The following SEMA6D variants were observed in gnomAD, a reference collection of about 807,000 sequenced individuals.
SEMA6D encodes the protein semaphorin-6D.
SEMA6D carries 35 observed loss-of-function variants against 106.6 expected under a neutral mutation model. That is an observed-to-expected ratio of 0.33 (90% CI 0.25 to 0.44). The LOEUF is 0.44. SEMA6D is among the 20% of genes least tolerant of loss of function. The probability of loss-of-function intolerance (pLI) is 1.00; values close to 1 mark genes in which losing one functional copy is unlikely to be tolerated. For synonymous variants in SEMA6D, 499 were observed against 487.7 expected (o/e 1.02, Z -0.31); for missense variants, 1,185 against 1,345.9 (o/e 0.88, Z 1.87).
intron 1 of SEMA6D, among the ~76,000 whole-genome samples, chr15:47,250,560 T>G (rs2033461823): frequency 6.6e-6 from 1 of 152,202 alleles, no homozygotes; most frequent in Admixed American, 6.5e-5. Flanking sequence ...AAACTTTCTT[T>G]ACGTAATTTT....
chr15:47,235,276 C>T (rs1264955909), intron 1 of SEMA6D, among the ~76,000 whole-genome samples: 1 of 151,746 alleles, frequency 6.6e-6, no homozygotes, highest in Non-Finnish European at 1.5e-5. Context: ...ATATTTTCTT[C>T]CATTTTGTGA....
At chr15:47,200,622 A>G (rs1054171446) in intron 1 of SEMA6D, among the ~76,000 whole-genome samples, 4 of 152,308 alleles carry the variant, frequency 2.6e-5, no homozygotes, top group Middle Eastern at 3.4e-3. Context: ...CTTTAAATTT[A>G]TGTAGTAAAG....
At chr15:47,448,480 G>T (rs1284653281) in intron 2 of SEMA6D, among the ~76,000 whole-genome samples, 1 of 152,048 alleles carries the variant, frequency 6.6e-6, no homozygotes, top group African/African-American at 2.4e-5. Flanking sequence ...GACCTTGGAG[G>T]AATAATGCCT....
intron 3 of SEMA6D, among the ~76,000 whole-genome samples, chr15:47,499,565 G>A (rs902051359): frequency 6.6e-5 from 10 of 152,170 alleles, no homozygotes; most frequent in African/African-American, 1.7e-4. Flanking sequence ...TGATGACTAG[G>A]TCATGCTTTC....
At position 47,186,156 on chromosome 15, in the gene SEMA6D, C is replaced by T. The variant is rs773037643; in HGVS notation, c.-239+1738C>T. 5.9e-4 allele frequency among the ~76,000 whole-genome samples: 89 copies of T among 151,808 alleles called. 1 individual carries two copies. Among genetic ancestry groups the T allele is most frequent in the Admixed American group, 2.6e-4 (4 of 15,238 alleles). On this transcript the variant is annotated intron_variant, in intron 1 of 19. Transcript: ENST00000558014. ...TAAATCCCAGTAGTTACTAATGCAC[C>T]CAACTGACCTGGTTATATTTCACTT...
chr15:47,584,176 A>G (rs1221313294), intron 3 of SEMA6D, among the ~76,000 whole-genome samples: 2 of 152,160 alleles, frequency 1.3e-5, no homozygotes, highest in African/African-American at 4.8e-5. Flanking sequence ...TAACCCCAGC[A>G]CTTTGGGAGT....
At chr15:47,685,542 A>C (rs1026749400) in intron 4 of SEMA6D, among the ~76,000 whole-genome samples, 1 of 152,158 alleles carries the variant, frequency 6.6e-6, no homozygotes, top group Non-Finnish European at 1.5e-5. Context: ...CATATTTATC[A>C]AACTTTGCCC....
chr15:47,601,747 T>G (rs1366718131), intron 4 of SEMA6D, among the ~76,000 whole-genome samples: 1 of 152,206 alleles, frequency 6.6e-6, no homozygotes, highest in African/African-American at 2.4e-5. Flanking sequence ...ATGTGTTAAT[T>G]GGAAAATAGA....
chr15:47,753,078 T>C (rs1384386062), intron 1 of SEMA6D, among the ~76,000 whole-genome samples: 1 of 151,752 alleles, frequency 6.6e-6, no homozygotes, highest in African/African-American at 2.4e-5. Context: ...CTGAGGAAGC[T>C]CCCATGTTAC....
intron 6 of SEMA6D, 37 bp downstream of exon 6, chr15:47,761,468 A>G (rs770204651): frequency 7.9e-6 from 12 of 1,521,970 alleles, no homozygotes; most frequent in Non-Finnish European, 9.9e-6. Context: ...CTTTTGATCA[A>G]CTTTTCTCCC....
At chr15:47,411,695 G>T (rs1278758239) in intron 1 of SEMA6D, among the ~76,000 whole-genome samples, 2 of 152,108 alleles carry the variant, frequency 1.3e-5, no homozygotes, top group South Asian at 4.2e-4. Context: ...TATTAATTCA[G>T]CTGCTTTTCA....
At chr15:47,469,951 A>T (rs74888407) in intron 2 of SEMA6D, among the ~76,000 whole-genome samples, 6,744 of 152,220 alleles carry the variant, frequency 0.044, 395 homozygotes, top group African/African-American at 0.14. Flanking sequence ...TTTGTATACT[A>T]ATCACAACTT....
At chr15:47,590,426 C>T (rs55905309) in intron 3 of SEMA6D, among the ~76,000 whole-genome samples, 3,956 of 152,004 alleles carry the variant, frequency 0.026, 81 homozygotes, top group Middle Eastern at 0.054. Flanking sequence ...AAATATCTAA[C>T]GTAAATGATG....
intron 3 of SEMA6D, among the ~76,000 whole-genome samples, chr15:47,504,602 GC>G (rs1260673284): frequency 6.6e-6 from 1 of 152,168 alleles, no homozygotes; most frequent in African/African-American, 2.4e-5. Flanking sequence ...CAAAATAGCA[GC>G]TTTACTTTTG....
chr15:47,259,263 TC>T (rs2033953217), intron 1 of SEMA6D, among the ~76,000 whole-genome samples: 1 of 152,212 alleles, frequency 6.6e-6, no homozygotes, highest in Non-Finnish European at 1.5e-5. Context: ...TGTTCATTCT[TC>T]CTTCCCAATG....
chr15:47,191,869 G>C (rs1253655057), intron 1 of SEMA6D, among the ~76,000 whole-genome samples: 1 of 152,166 alleles, frequency 6.6e-6, no homozygotes, highest in Non-Finnish European at 1.5e-5. Context: ...AGTTGCTGGA[G>C]AGAAGGCAGA....
chr15:47,700,800 G>A (rs1283172468), intron 4 of SEMA6D, among the ~76,000 whole-genome samples: 1 of 152,080 alleles, frequency 6.6e-6, no homozygotes, highest in African/African-American at 2.4e-5. Context: ...AGACAAATAG[G>A]TCAATGGAAT....
chr15:47,400,290 G>A (rs1356323353), intron 1 of SEMA6D, among the ~76,000 whole-genome samples: 1 of 152,068 alleles, frequency 6.6e-6, no homozygotes, highest in South Asian at 2.1e-4. Flanking sequence ...AGGAGTTCAA[G>A]ACCAGCTTGG....
chr15:47,371,290 C>A (rs1289413670), intron 1 of SEMA6D, among the ~76,000 whole-genome samples: 1 of 152,210 alleles, frequency 6.6e-6, no homozygotes, highest in Non-Finnish European at 1.5e-5. Flanking sequence ...AAGGATGACA[C>A]ATGTTTAACT....
Sources: allele counts gnomAD v4.1 joint callset (sites outside exome capture counted in the v4.1 genomes callset), GRCh38; gene constraint gnomAD v4.1.1; transcripts MANE v1.5; gene names NCBI Gene and HGNC (gene_info 2026-07-23, HGNC 2026-07-21).